The following ZNF423 variants were observed in gnomAD, a reference collection of about 807,000 sequenced individuals.
The protein encoded by ZNF423 is Ebf-associated zinc finger protein.
Under a neutral mutation model 95.8 loss-of-function variants are expected in ZNF423, and 12 were observed. The ratio of observed to expected loss-of-function variants is 0.13; its 90% CI spans 0.08 to 0.20. The LOEUF (loss-of-function observed/expected upper bound fraction) is 0.20, where lower values mean the gene tolerates loss of function less well. ZNF423 is among the 10% of genes least tolerant of loss of function. The pLI is 1.00. For missense variants in ZNF423, 1,316 were observed against 1,737.1 expected (o/e 0.76, Z 4.31); for synonymous variants, 749 against 711.9 (o/e 1.05, Z -0.83).
chr16:49,772,272 G>C (rs1458103369), intron 2 of ZNF423, among the ~76,000 whole-genome samples: 1 of 152,224 alleles, frequency 6.6e-6, no homozygotes, highest in Non-Finnish European at 1.5e-5. Context: ...CCCTTCTTTT[G>C]CCTTTTCATT....
At chr16:49,550,022 G>A (rs1228925716) in intron 5 of ZNF423, among the ~76,000 whole-genome samples, 1 of 151,948 alleles carries the variant, frequency 6.6e-6, no homozygotes, top group Non-Finnish European at 1.5e-5. Context: ...ACAGGCACAC[G>A]CCACCATGCA....
At position 49,501,824 on chromosome 16, in the gene ZNF423, C is replaced by T. The variant is rs116372576; in HGVS notation, c.3850-10520G>A. Among the ~76,000 whole-genome samples the T allele has an allele frequency of 5.6e-3, 845 of 151,786 alleles. 10 individuals carry two copies. Among genetic ancestry groups the T allele is most frequent in the African/African-American group, 0.019 (781 of 41,400 alleles). On this transcript the variant is annotated intron_variant, in intron 7 of 7. Transcript: ENST00000563137. ...TTCTCACTCATAAGTGGGAGTTAAA[C>T]ACTGTGGTGCGCACAGACATAAAGT...
intron 2 of ZNF423, among the ~76,000 whole-genome samples, chr16:49,768,987 C>G (rs1457463844): frequency 2.6e-5 from 4 of 152,164 alleles, no homozygotes; most frequent in African/African-American, 7.2e-5. Context: ...GCTGCCCAGG[C>G]CAAAAACCTT....
At chr16:49,584,342 T>C (rs1430143956) in intron 5 of ZNF423, among the ~76,000 whole-genome samples, 1 of 152,184 alleles carries the variant, frequency 6.6e-6, no homozygotes, top group Non-Finnish European at 1.5e-5. Context: ...GTGGCTGCTA[T>C]CTACTGCCTA....
At chr16:49,535,949 C>A (rs2151729079) in intron 5 of ZNF423, among the ~76,000 whole-genome samples, 1 of 152,240 alleles carries the variant, frequency 6.6e-6, no homozygotes, top group East Asian at 1.9e-4. Context: ...GGTTGCAAAA[C>A]CCTTATTGTC....
Position 49,815,881 on chromosome 16 carries a change from A to AAAAT in ZNF423, c.41-26336_41-26335insATTT, listed in dbSNP as rs1185501557. On this transcript the variant is annotated intron_variant, in intron 1 of 7. Coordinates refer to ENST00000563137, the MANE Select transcript of ZNF423 (RefSeq NM_001379286.1). ...TAATTCCAAACAAACAAAAAAAAAA[A>AAAAT]ATATATATATATATATATATATATA... Among the ~76,000 whole-genome samples, 11 of 47,608 alleles carry AAAAT rather than the reference A, an allele frequency of 2.3e-4. 1 individual carries two copies. Among genetic ancestry groups the AAAAT allele is most frequent in the Admixed American group, 6.6e-4 (2 of 3,048 alleles). 31.2% of individuals were successfully genotyped at this position (47,608 alleles called of 152,430 possible). A position where few individuals can be genotyped will look rare whatever the true frequency, so the allele number is the denominator to read the frequency against.
chr16:49,491,620 C>T (rs1966973483), intron 7 of ZNF423, among the ~76,000 whole-genome samples: 1 of 147,568 alleles, frequency 6.8e-6, no homozygotes, highest in Non-Finnish European at 1.5e-5. Flanking sequence ...AGGGGAAATG[C>T]CGGGGAGGAG....
chr16:49,763,014 C>A (rs1406658922), intron 2 of ZNF423, among the ~76,000 whole-genome samples: 1 of 151,960 alleles, frequency 6.6e-6, no homozygotes, highest in Non-Finnish European at 1.5e-5. Context: ...ATTACAGGCA[C>A]ACACCACCAT....
At chr16:49,842,082 C>A (rs888292791) in intron 1 of ZNF423, among the ~76,000 whole-genome samples, 1 of 151,226 alleles carries the variant, frequency 6.6e-6, no homozygotes, top group African/African-American at 2.4e-5. Flanking sequence ...ACTAAAAATA[C>A]ATAAATTAGC....
intron 5 of ZNF423, among the ~76,000 whole-genome samples, chr16:49,589,009 T>C (rs1223975047): frequency 6.6e-6 from 1 of 152,216 alleles, no homozygotes; most frequent in Admixed American, 6.5e-5. Context: ...GCAATGTGCT[T>C]GGATGCAGCC....
At chr16:49,679,479 A>C (rs1567285765) in intron 3 of ZNF423, among the ~76,000 whole-genome samples, 1 of 152,122 alleles carries the variant, frequency 6.6e-6, no homozygotes, top group Admixed American at 6.5e-5. Context: ...CTGATTTTGG[A>C]GCAAAGTTGA....
intron 5 of ZNF423, among the ~76,000 whole-genome samples, chr16:49,595,135 G>C (rs1306423959): frequency 6.6e-6 from 1 of 152,232 alleles, no homozygotes; most frequent in Non-Finnish European, 1.5e-5. Flanking sequence ...GAGTGCTGCT[G>C]AGGTGGGGGT....
intron 5 of ZNF423, among the ~76,000 whole-genome samples, chr16:49,552,809 C>T (rs758628913): frequency 2.6e-5 from 4 of 151,858 alleles, no homozygotes; most frequent in African/African-American, 4.8e-5. Flanking sequence ...GCTCAGAGGC[C>T]GGGCCATGAT....
intron 5 of ZNF423, among the ~76,000 whole-genome samples, chr16:49,594,296 C>T (rs1319429477): frequency 6.6e-6 from 1 of 152,190 alleles, no homozygotes; most frequent in African/African-American, 2.4e-5. Flanking sequence ...TGCCTCCTCT[C>T]TCCTCTCCTT....
chr16:49,776,584 C>A (rs575311579), intron 2 of ZNF423, among the ~76,000 whole-genome samples: 3 of 152,244 alleles, frequency 2.0e-5, no homozygotes, highest in East Asian at 1.9e-4. Flanking sequence ...TGGGGACAGG[C>A]CTGCCAGGCC....
At chr16:49,841,567 CA>C (rs1239302190) in intron 1 of ZNF423, among the ~76,000 whole-genome samples, 1 of 152,184 alleles carries the variant, frequency 6.6e-6, no homozygotes, top group African/African-American at 2.4e-5. Context: ...TTCCATCCCT[CA>C]GGGACCAAAT....
At chr16:49,506,796 G>A (rs1035997386) in intron 7 of ZNF423, among the ~76,000 whole-genome samples, 1 of 151,984 alleles carries the variant, frequency 6.6e-6, no homozygotes, top group Admixed American at 6.6e-5. Context: ...ATTGATGGAT[G>A]AGTGGATGGG....
chr16:49,590,254 G>A lies in ZNF423; in HGVS notation c.3601+35916C>T, dbSNP rs937348358. ...CCCTGCTGCGCCTGCAGCCCTAAGC[G>A]TACCTGGCTGGGGCTGCGGGCAGCA... On this transcript the variant is annotated intron_variant, in intron 5 of 7. Coordinates refer to ENST00000563137, the MANE Select transcript of ZNF423 (RefSeq NM_001379286.1). Among the ~76,000 whole-genome samples, 7 of 151,788 alleles carry A rather than the reference G, an allele frequency of 4.6e-5. No homozygotes were observed. In the East Asian group the frequency reaches 5.9e-4, roughly 13 times the overall value.
intron 3 of ZNF423, among the ~76,000 whole-genome samples, chr16:49,721,673 C>T (rs973939665): frequency 1.3e-5 from 2 of 152,084 alleles, no homozygotes; most frequent in Admixed American, 6.5e-5. Context: ...CCCACTCTGG[C>T]GCACCCTTGG....
Sources: gnomAD v4.1 joint callset for allele counts (sites outside exome capture counted in the v4.1 genomes callset) on GRCh38, gnomAD v4.1.1 for gene constraint, MANE v1.5 for transcripts, NCBI Gene and HGNC (gene_info 2026-07-23, HGNC 2026-07-21) for gene names.